INIP: variants seen among roughly 807,000 people sequenced by gnomAD.
INIP encodes the protein INTS3 and NABP interacting protein.
INIP carries 9 observed loss-of-function variants against 14.0 expected under a neutral mutation model. That is an observed-to-expected ratio of 0.64 (90% confidence interval 0.39 to 1.12). The LOEUF (loss-of-function observed/expected upper bound fraction) is 1.12. INIP is among the 50% of genes most tolerant of loss of function. INIP has a pLI of 0.01. For synonymous variants in INIP, 37 were observed against 41.5 expected, an observed-to-expected ratio of 0.89 and a Z score of 0.41; for missense variants, 78 against 122.7, an observed-to-expected ratio of 0.64 and a Z score of 1.72.
At chr9:112,709,033 A>C (rs2131310821) in intron 2 of INIP, among the ~76,000 whole-genome samples, 1 of 152,138 alleles carries the variant, frequency 6.6e-6, no homozygotes, top group African/African-American at 2.4e-5. Context: ...TCAAGCCCTA[A>C]TGTCTGCTCA....
chr9:112,697,698 A>C (rs1304332716), intron 2 of INIP, among the ~76,000 whole-genome samples: 1 of 152,250 alleles, frequency 6.6e-6, no homozygotes, highest in Non-Finnish European at 1.5e-5. Context: ...CAATGACCAA[A>C]TATGTTTCTT....
intron 2 of INIP, among the ~76,000 whole-genome samples, chr9:112,711,922 C>A (rs1838660334): frequency 1.3e-5 from 2 of 152,164 alleles, no homozygotes; most frequent in South Asian, 4.1e-4. Flanking sequence ...TCTAATCCTG[C>A]CACAAATATA....
intron 2 of INIP, among the ~76,000 whole-genome samples, chr9:112,702,195 C>T (rs755851248): frequency 6.6e-6 from 1 of 152,158 alleles, no homozygotes; most frequent in Non-Finnish European, 1.5e-5. Context: ...CTGTTGTTTG[C>T]AGCAGTATCA....
chr9:112,701,547 T>C (rs533298309), intron 2 of INIP, among the ~76,000 whole-genome samples: 1 of 152,340 alleles, frequency 6.6e-6, no homozygotes, highest in Admixed American at 6.5e-5. Flanking sequence ...TTAAGTATAC[T>C]GGAATGTCTC....
chr9:112,695,732 G>A (rs930112058), intron 2 of INIP, among the ~76,000 whole-genome samples: 1 of 140,968 alleles, frequency 7.1e-6, no homozygotes, highest in African/African-American at 2.6e-5. Flanking sequence ...AAAAGAAGAA[G>A]AGGAAGAAGA....
At chr9:112,711,007 T>G (rs1838629881) in intron 2 of INIP, among the ~76,000 whole-genome samples, 1 of 150,942 alleles carries the variant, frequency 6.6e-6, no homozygotes, top group South Asian at 2.1e-4. Context: ...AGCGAGACCC[T>G]GTTTCTACAG....
chr9:112,695,285 A>G (rs1188367708), intron 2 of INIP, among the ~76,000 whole-genome samples: 1 of 151,298 alleles, frequency 6.6e-6, no homozygotes, highest in Non-Finnish European at 1.5e-5. Flanking sequence ...GATAAGGACG[A>G]TGATGGCTCA....
chr9:112,705,311 T>TA (rs1838424397), intron 2 of INIP, among the ~76,000 whole-genome samples: 2 of 152,084 alleles, frequency 1.3e-5, no homozygotes, highest in South Asian at 2.1e-4. Context: ...TAAATGTTTT[T>TA]AAAAAAATTT....
At position 112,699,240 on chromosome 9, in the gene INIP, T is replaced by C. The variant is rs770593339; in HGVS notation, c.26-5007A>G. On this transcript the variant is annotated intron_variant, in intron 2 of 4. Transcript: ENST00000374242. ...CAGGAGGCTGAGGCAGGAGGATCAC[T>C]TGGGCTCAGTGGAATGAGCTATGAT... 3.3e-5 allele frequency among the ~76,000 whole-genome samples: 5 copies of C among 151,980 alleles called. No homozygotes were observed. In the South Asian group the frequency reaches 8.3e-4, roughly 25 times the overall value.
chr9:112,700,967 A>G (rs1838278097), intron 2 of INIP, among the ~76,000 whole-genome samples: 1 of 152,132 alleles, frequency 6.6e-6, no homozygotes, highest in African/African-American at 2.4e-5. Flanking sequence ...AAAAAACAGA[A>G]AACAGATATA....
intron 2 of INIP, among the ~76,000 whole-genome samples, chr9:112,715,683 G>T (rs1363874752): frequency 7.2e-5 from 11 of 151,798 alleles, no homozygotes; most frequent in Admixed American, 7.2e-4. Flanking sequence ...TGAGGCAGGA[G>T]GATTGCTTGA....
At chr9:112,716,364 G>A in intron 2 of INIP, 97 bp downstream of exon 2, 2 of 1,101,100 alleles carry the variant, frequency 1.8e-6, no homozygotes, top group Non-Finnish European at 2.8e-6. Context: ...TTTAAATTCT[G>A]GCTACAGTAA....
intron 2 of INIP, among the ~76,000 whole-genome samples, chr9:112,714,056 A>G (rs376952866): frequency 6.6e-6 from 1 of 152,192 alleles, no homozygotes. Context: ...CAACAGCCAA[A>G]ACTGAGACAA....
chr9:112,701,900 A>T (rs1693408), intron 2 of INIP: 29,096 of 151,156 alleles, frequency 0.19, 2,850 homozygotes, highest in African/African-American at 0.23. Flanking sequence ...AAAAAAAAAA[A>T]TTTTTTTAAT....
intron 2 of INIP, among the ~76,000 whole-genome samples, chr9:112,697,970 A>C (rs2131294603): frequency 6.6e-6 from 1 of 152,344 alleles, no homozygotes; most frequent in East Asian, 1.9e-4. Context: ...CAGTTTGCTT[A>C]AAGTATCCCA....
chr9:112,703,303 A>AT (rs1271749891), intron 2 of INIP, among the ~76,000 whole-genome samples: 1 of 152,202 alleles, frequency 6.6e-6, no homozygotes, highest in Non-Finnish European at 1.5e-5. Flanking sequence ...CATTATTAAC[A>AT]TATGCTCTAA....
At chr9:112,711,037 A>G (rs888845654) in intron 2 of INIP, among the ~76,000 whole-genome samples, 5 of 151,954 alleles carry the variant, frequency 3.3e-5, no homozygotes, top group Non-Finnish European at 7.4e-5. Context: ...AAAGAAAAAA[A>G]ATTAGCCAGG....
At position 112,687,475 on chromosome 9, in the gene INIP, C is replaced by A; in HGVS notation, c.*63G>T. On this transcript the variant is annotated 3_prime_UTR_variant, in exon 5 of 5. Coordinates refer to ENST00000374242, the MANE Select transcript of INIP (RefSeq NM_021218.3). ...TCTTAAAGTCACAGTTCATGTAGCACTGAATGATAGTAGCTTTGGCATTTG... is the reference window on the plus strand; with the variant it reads ...TCTTAAAGTCACAGTTCATGTAGCAATGAATGATAGTAGCTTTGGCATTTG... 1 of 1,029,402 alleles carries A rather than the reference C, an allele frequency of 9.7e-7. No homozygotes were observed. The highest frequency in any genetic ancestry group is 1.5e-6 in the Non-Finnish European group (1 of 653,972). The allele number at this position is 1,029,402 out of a possible 1,614,324, so 63.8% of individuals were successfully genotyped here.
At position 112,687,589 on chromosome 9, in the gene INIP, A is replaced by G; in HGVS notation, c.264T>C (p.Ser88=). ...HSSGYFITQD[S]AFGNLILPVL... Reference sequence around the variant, plus strand: ...CAGGAAGAATAAGGTTCCCAAATGCAGAGTCTTGAGTGATGAAGTATCCAG... The same window carrying G: ...CAGGAAGAATAAGGTTCCCAAATGCGGAGTCTTGAGTGATGAAGTATCCAG... Residue 88 remains serine, a synonymous_variant, in exon 5 of 5, where the codon TCT becomes TCC. Coordinates refer to ENST00000374242, the MANE Select transcript of INIP (RefSeq NM_021218.3). The G allele has an allele frequency of 1.2e-6, 2 of 1,610,944 alleles. No individual in the cohort carries two copies. Among genetic ancestry groups the G allele is most frequent in the Non-Finnish European group, 1.7e-6 (2 of 1,177,444 alleles).
Sources: allele counts gnomAD v4.1 joint callset (sites outside exome capture counted in the v4.1 genomes callset), GRCh38; gene constraint gnomAD v4.1.1; transcripts MANE v1.5; gene names NCBI Gene and HGNC (gene_info 2026-07-23, HGNC 2026-07-21).